Variants in CERT1 observed in about 807,000 individuals in gnomAD.
CERT1 encodes ceramide transporter 1, also known as ceramide transfer protein.
A neutral mutation model predicts 87.9 loss-of-function variants in CERT1; 31 were observed. The observed-to-expected ratio is 0.35, with a 90% confidence interval of 0.27 to 0.48. CERT1 has a LOEUF of 0.48. CERT1 is among the 20% of genes least tolerant of loss of function. The pLI is 0.99. For missense variants in CERT1, 487 were observed against 758.0 expected (o/e 0.64, Z 4.20); for synonymous variants, 289 against 250.9 (o/e 1.15, Z -1.44).
In CERT1 at chr5:75,492,905, T is replaced by C. The variant is rs146825484; in HGVS notation, c.231+13077A>G. Among the ~76,000 whole-genome samples, 194 of 152,294 alleles carry C rather than the reference T, an allele frequency of 1.3e-3. 1 individual carries two copies. The highest frequency in any genetic ancestry group is 4.5e-3 in the African/African-American group (186 of 41,558). On this transcript the variant is annotated intron_variant, in intron 2 of 16. Transcript: ENST00000643780. ...GACGCATCAGAATCATTTGAAGGGT[T>C]TGTTAAAGAAAGAATGCTGGACTCC...
rs546190931 is a variant in CERT1 at position 75,455,629 on chromosome 5, T to C, written c.348+3436A>G. ...TGAAACAGTTACCAATATAATATAC[T>C]GTCCTGTTTGACAATCCACGGGCGA... is the stretch of plus-strand genomic sequence containing the variant. On this transcript the variant is annotated intron_variant, in intron 3 of 16. Transcript: ENST00000643780. Among the ~76,000 whole-genome samples the C allele has an allele frequency of 2.7e-4, 41 of 152,302 alleles. 1 individual carries two copies. Among genetic ancestry groups the C allele is most frequent in the Admixed American group, 1.6e-3 (24 of 15,292 alleles).
intron 3 of CERT1, among the ~76,000 whole-genome samples, chr5:75,440,082 C>T (rs1173342607): frequency 1.3e-5 from 2 of 151,964 alleles, no homozygotes; most frequent in Admixed American, 6.5e-5. Flanking sequence ...GTGTAATTCT[C>T]TATACTAAAC....
intron 3 of CERT1, among the ~76,000 whole-genome samples, chr5:75,457,601 A>T (rs1461792633): frequency 6.6e-6 from 1 of 152,114 alleles, no homozygotes; most frequent in African/African-American, 2.4e-5. Context: ...ATAGTCCTAA[A>T]GCTAAAACAA....
At chr5:75,462,424 A>G (rs1214251595) in intron 2 of CERT1, among the ~76,000 whole-genome samples, 1 of 152,078 alleles carries the variant, frequency 6.6e-6, no homozygotes, top group Non-Finnish European at 1.5e-5. Context: ...TAGGGTTTGC[A>G]CTCCTATGAG....
chr5:75,481,788 G>A (rs905790573), intron 2 of CERT1, among the ~76,000 whole-genome samples: 1 of 151,924 alleles, frequency 6.6e-6, no homozygotes, highest in Non-Finnish European at 1.5e-5. Context: ...ACAAAACCCC[G>A]TCTTTAATTT....
At chr5:75,447,113 G>T (rs918976681) in intron 3 of CERT1, among the ~76,000 whole-genome samples, 1 of 152,206 alleles carries the variant, frequency 6.6e-6, no homozygotes, top group African/African-American at 2.4e-5. Context: ...CACGGGGCTG[G>T]GATGGGTGGA....
intron 17 of CERT1, chr5:75,369,844 AT>A (rs1761021767): frequency 6.6e-6 from 1 of 152,258 alleles, no homozygotes; most frequent in Non-Finnish European, 1.5e-5. Flanking sequence ...AGCTTCACTT[AT>A]GGTATTTGTG....
rs184857359 is a variant in CERT1, at chr5:75,470,000, G to A, written c.232-10819C>T. Reference sequence around the variant, plus strand: ...TTATTATATATTGATAATTCAGCAAGAGGATATCACAATTATAAATATAAT... The same window carrying A: ...TTATTATATATTGATAATTCAGCAAAAGGATATCACAATTATAAATATAAT... On this transcript the variant is annotated intron_variant, in intron 2 of 16. Coordinates refer to ENST00000643780, the MANE Select transcript of CERT1 (RefSeq NM_001379029.1). Among the ~76,000 whole-genome samples, 4 of 152,176 alleles carry A rather than the reference G, an allele frequency of 2.6e-5. No homozygotes were observed. In the East Asian group the frequency reaches 7.7e-4, roughly 29 times the overall value.
chr5:75,484,815 T>C lies in CERT1; in HGVS notation c.231+21167A>G, dbSNP rs141071870. Among the ~76,000 whole-genome samples, 847 of 152,144 alleles carry C rather than the reference T, an allele frequency of 5.6e-3. 26 individuals are homozygous for C. The highest frequency in any genetic ancestry group is 0.052 in the Admixed American group (787 of 15,266). On this transcript the variant is annotated intron_variant, in intron 2 of 16. Transcript: ENST00000643780. ...CCCACTTTCAGCACTGGACAGATCA[T>C]TTCAGACAGAAAATCAAGAAACATC...
chr5:75,374,662 T>A, downstream of CERT1: 1 of 635,368 alleles, frequency 1.6e-6, no homozygotes, highest in Non-Finnish European at 3.0e-6. Context: ...CTTCCCAAGC[T>A]GTTATGTGAA....
intron 11 of CERT1, among the ~76,000 whole-genome samples, chr5:75,396,862 T>C (rs1308143420): frequency 6.6e-6 from 1 of 152,176 alleles, no homozygotes; most frequent in African/African-American, 2.4e-5. Context: ...GTGTGAGAAC[T>C]GTAAAATGTA....
At chr5:75,454,861 T>C (rs1764912323) in intron 3 of CERT1, among the ~76,000 whole-genome samples, 1 of 152,232 alleles carries the variant, frequency 6.6e-6, no homozygotes, top group African/African-American at 2.4e-5. Flanking sequence ...TCTTCTCTTA[T>C]TCTACACAAC....
chr5:75,435,635 T>C (rs1487334114), intron 3 of CERT1, among the ~76,000 whole-genome samples: 1 of 152,160 alleles, frequency 6.6e-6, no homozygotes, highest in Non-Finnish European at 1.5e-5. Context: ...AGGAATTGAC[T>C]GTGGTGTAAG....
intron 11 of CERT1, among the ~76,000 whole-genome samples, chr5:75,396,071 C>T (rs1762242878): frequency 6.6e-6 from 1 of 152,204 alleles, no homozygotes; most frequent in Admixed American, 6.5e-5. Context: ...CTCAATTGTA[C>T]ACTTGATTAT....
intron 6 of CERT1, 44 bp downstream of exon 6, chr5:75,419,297 G>C (rs752691630): frequency 4.7e-6 from 6 of 1,278,934 alleles, no homozygotes; most frequent in Non-Finnish European, 6.7e-6. Flanking sequence ...CATAACTTCT[G>C]AAAGTATATT....
At chr5:75,505,927 G>C in intron 2 of CERT1, 55 bp downstream of exon 2, 1 of 1,392,538 alleles carries the variant, frequency 7.2e-7, no homozygotes, top group Non-Finnish European at 1.0e-6. Flanking sequence ...ACAGTTCCTG[G>C]TATGTAGCTG....
chr5:75,482,420 A>C (rs1409136554), intron 2 of CERT1, among the ~76,000 whole-genome samples: 1 of 152,100 alleles, frequency 6.6e-6, no homozygotes, highest in African/African-American at 2.4e-5. Context: ...AAGGATTCTG[A>C]CTCCAGGCCC....
rs149928371 is a variant in CERT1 at position 75,463,156 on chromosome 5, T to C, written c.232-3975A>G. On this transcript the variant is annotated intron_variant, in intron 2 of 16. Coordinates refer to ENST00000643780, the MANE Select transcript of CERT1 (RefSeq NM_001379029.1). ...ACATACATAACAGAAAGACACACTA[T>C]GCCCAGGAAAAACAGACACAGAAAG... Among the ~76,000 whole-genome samples the C allele has an allele frequency of 4.1e-3, 629 of 152,150 alleles. 1 individual carries two copies. Among genetic ancestry groups the C allele is most frequent in the South Asian group, 0.014 (69 of 4,824 alleles).
chr5:75,422,497 T>A (rs1278299514), intron 5 of CERT1, among the ~76,000 whole-genome samples: 2 of 152,066 alleles, frequency 1.3e-5, no homozygotes, highest in East Asian at 3.9e-4. Flanking sequence ...ACATCTGTAG[T>A]CCCAACTACT....
Sources: allele counts gnomAD v4.1 joint callset (sites outside exome capture counted in the v4.1 genomes callset), GRCh38; gene constraint gnomAD v4.1.1; transcripts MANE v1.5; gene names NCBI Gene and HGNC (gene_info 2026-07-23, HGNC 2026-07-21).